Variants in KCNAB1 observed in about 807,000 individuals in gnomAD.
KCNAB1 encodes voltage-gated potassium channel subunit beta-1.
In KCNAB1, 35 loss-of-function variants were observed where a neutral mutation model predicts 64.6. The ratio of observed to expected loss-of-function variants is 0.54; its 90% CI spans 0.41 to 0.72. KCNAB1 has a LOEUF of 0.72. Among genes scored for constraint, KCNAB1 ranks in the 30% least tolerant of loss-of-function variants. KCNAB1 has a pLI of 0.00. For synonymous variants in KCNAB1, 177 were observed against 183.8 expected (o/e 0.96, Z 0.30); for missense variants, 401 against 512.9 (o/e 0.78, Z 2.11).
intron 1 of KCNAB1, among the ~76,000 whole-genome samples, chr3:156,282,431 A>G (rs1719783936): frequency 2.7e-5 from 4 of 148,968 alleles, no homozygotes; most frequent in African/African-American, 9.9e-5. Flanking sequence ...GCTGAAAAAA[A>G]TGTATATTCT....
chr3:156,501,577 A>G (rs1294525176), intron 8 of KCNAB1, among the ~76,000 whole-genome samples: 1 of 151,880 alleles, frequency 6.6e-6, no homozygotes, highest in Non-Finnish European at 1.5e-5. Context: ...GATTACAGGC[A>G]TGTGCCACCA....
chr3:156,279,637 T>C (rs1440036771), intron 1 of KCNAB1, among the ~76,000 whole-genome samples: 18 of 152,204 alleles, frequency 1.2e-4, no homozygotes, highest in South Asian at 1.0e-3. Context: ...TGTTGTTTCC[T>C]GACTTTCTAA....
At chr3:156,342,626 T>C (rs1724218092) in intron 1 of KCNAB1, among the ~76,000 whole-genome samples, 1 of 147,662 alleles carries the variant, frequency 6.8e-6, no homozygotes, top group African/African-American at 2.5e-5. Flanking sequence ...TTTTTTTTAT[T>C]ATACTCTAAG....
chr3:156,493,304 T>C (rs1369555704), intron 8 of KCNAB1, among the ~76,000 whole-genome samples: 1 of 152,126 alleles, frequency 6.6e-6, no homozygotes, highest in African/African-American at 2.4e-5. Flanking sequence ...AGATAATCCA[T>C]TGCAGGATAC....
intron 1 of KCNAB1, among the ~76,000 whole-genome samples, chr3:156,361,305 G>A (rs1725597017): frequency 6.6e-6 from 1 of 151,974 alleles, no homozygotes; most frequent in Non-Finnish European, 1.5e-5. Context: ...CCCAGTTTCA[G>A]GTCTCATCTC....
intron 1 of KCNAB1, among the ~76,000 whole-genome samples, chr3:156,350,399 T>C (rs576319377): frequency 8.7e-4 from 133 of 152,024 alleles, no homozygotes; most frequent in Admixed American, 4.1e-3. Flanking sequence ...AAATAAAAAA[T>C]TAGCTGGGCA....
intron 1 of KCNAB1, among the ~76,000 whole-genome samples, chr3:156,390,548 C>CCTTCCTTCCTT (rs1308676542): frequency 2.4e-4 from 37 of 151,968 alleles, no homozygotes; most frequent in African/African-American, 8.0e-4. Flanking sequence ...TTCCTTCCTT[C>CCTTCCTTCCTT]CTTCCCTCCC....
At chr3:156,492,999 T>C (rs972780902) in intron 8 of KCNAB1, among the ~76,000 whole-genome samples, 1 of 152,162 alleles carries the variant, frequency 6.6e-6, no homozygotes, top group African/African-American at 2.4e-5. Flanking sequence ...TGTATTACTT[T>C]GACAAAGCTA....
At position 156,268,516 on chromosome 3, in the gene KCNAB1, C is replaced by T. The variant is rs113301459; in HGVS notation, c.275+147630C>T. Among the ~76,000 whole-genome samples, 1,308 of 152,274 alleles carry T rather than the reference C, an allele frequency of 8.6e-3. 17 individuals are homozygous for T. The highest frequency in any genetic ancestry group is 0.03 in the African/African-American group (1,247 of 41,550). On this transcript the variant is annotated intron_variant, in intron 1 of 13. Transcript: ENST00000490337. ...AGTTATAGGGGTTTCCTTTTCTCCA[C>T]ACCCTCTCCAGCATTTGTTATTGCC...
intron 1 of KCNAB1, among the ~76,000 whole-genome samples, chr3:156,338,465 C>T (rs1478641584): frequency 1.3e-5 from 2 of 151,938 alleles, no homozygotes; most frequent in Admixed American, 1.3e-4. Context: ...CATGTGCCAG[C>T]ACACCCAGCA....
Position 156,508,268 on chromosome 3 carries a change from ATTAAT to A in KCNAB1, c.659-6093_659-6089del, listed in dbSNP as rs570145111. Among the ~76,000 whole-genome samples, 421 of 152,210 alleles carry A rather than the reference ATTAAT, an allele frequency of 2.8e-3. 2 individuals are homozygous for A. The highest frequency in any genetic ancestry group is 9.7e-3 in the African/African-American group (403 of 41,542). On this transcript the variant is annotated intron_variant, in intron 8 of 13. Transcript: ENST00000490337. The surrounding 1 kb of genome is among the most constrained non-coding windows in gnomAD (Gnocchi z 4.1). Reference sequence around the variant, plus strand: ...CTTTTGCTTTTATCTCTGTGGCCAGATTAATTTGAGTACATTTTATCTGATCAAAA... The same window carrying A: ...CTTTTGCTTTTATCTCTGTGGCCAGATTGAGTACATTTTATCTGATCAAAA...
chr3:156,213,499 C>T (rs1291879672), intron 1 of KCNAB1, among the ~76,000 whole-genome samples: 1 of 152,202 alleles, frequency 6.6e-6, no homozygotes, highest in Non-Finnish European at 1.5e-5. Flanking sequence ...CAGGAATGAG[C>T]CACCTTGCTC....
chr3:156,431,413 A>G (rs180900889), intron 2 of KCNAB1, among the ~76,000 whole-genome samples: 84 of 152,358 alleles, frequency 5.5e-4, no homozygotes, highest in African/African-American at 1.9e-3. Flanking sequence ...GAATCATTTG[A>G]ATCCTGTCTG....
intron 1 of KCNAB1, among the ~76,000 whole-genome samples, chr3:156,239,224 A>C (rs1429129908): frequency 2.0e-5 from 3 of 152,266 alleles, no homozygotes; most frequent in Non-Finnish European, 2.9e-5. Flanking sequence ...TTGTCATAAT[A>C]AAATTTGTCT....
intron 8 of KCNAB1, among the ~76,000 whole-genome samples, chr3:156,487,578 A>C (rs1037029928): frequency 5.3e-5 from 8 of 152,186 alleles, no homozygotes; most frequent in Admixed American, 6.6e-5. Flanking sequence ...TAAAATTTTG[A>C]CAATCCAAAT....
chr3:156,281,310 A>G (rs372624027), intron 1 of KCNAB1, among the ~76,000 whole-genome samples: 4 of 152,244 alleles, frequency 2.6e-5, no homozygotes, highest in South Asian at 2.1e-4. Context: ...TCCCAGGGAT[A>G]AAGCCCACTT....
intron 1 of KCNAB1, among the ~76,000 whole-genome samples, chr3:156,221,766 A>G (rs1165242760): frequency 1.3e-5 from 2 of 151,112 alleles, no homozygotes; most frequent in Admixed American, 1.3e-4. Flanking sequence ...CGAAAAGAGC[A>G]AAACTCCATC....
intron 2 of KCNAB1, among the ~76,000 whole-genome samples, chr3:156,442,865 T>C (rs771483649): frequency 6.6e-6 from 1 of 152,184 alleles, no homozygotes; most frequent in Non-Finnish European, 1.5e-5. Flanking sequence ...GATGGCTCTG[T>C]GCATGAGGTT....
intron 1 of KCNAB1, among the ~76,000 whole-genome samples, chr3:156,159,277 C>T (rs1715934197): frequency 6.6e-6 from 1 of 152,106 alleles, no homozygotes; most frequent in South Asian, 2.1e-4. Flanking sequence ...ACTCTGACTT[C>T]TTAGGGGTAG....
Sources: allele counts gnomAD v4.1 joint callset (sites outside exome capture counted in the v4.1 genomes callset), GRCh38; gene constraint gnomAD v4.1.1; non-coding constraint Gnocchi (gnomAD v3.1); transcripts MANE v1.5; gene names NCBI Gene and HGNC (gene_info 2026-07-23, HGNC 2026-07-21).